ADAMTS4: variants seen among roughly 807,000 people sequenced by gnomAD.
ADAMTS4 encodes the protein A disintegrin and metalloproteinase with thrombospondin motifs 4.
Under a neutral mutation model 66.7 loss-of-function variants are expected in ADAMTS4, and 38 were observed. That is an observed-to-expected ratio of 0.57 (90% CI 0.44 to 0.75). The LOEUF (loss-of-function observed/expected upper bound fraction) is 0.75. Among genes scored for constraint, ADAMTS4 ranks in the 30% least tolerant of loss-of-function variants. ADAMTS4 has a pLI of 0.00. For missense variants in ADAMTS4, 1,014 were observed against 1,116.7 expected, an observed-to-expected ratio of 0.91 and a Z score of 1.31; for synonymous variants, 418 against 461.5, an observed-to-expected ratio of 0.91 and a Z score of 1.21.
intron 1 of ADAMTS4, chr1:161,197,336 A>G: frequency 6.0e-6 from 1 of 166,628 alleles, no homozygotes; most frequent in South Asian, 1.6e-4. Flanking sequence ...GCGGTTGTGG[A>G]GGGAGCGTCT....
chr1:161,196,386 G>A, intron 2 of ADAMTS4, 83 bp from the exon 3 acceptor site: 1 of 1,535,814 alleles, frequency 6.5e-7, no homozygotes, highest in South Asian at 1.3e-5. Context: ...CCGGGGACCT[G>A]GGCACTGAGG....
In ADAMTS4 at chr1:161,194,220, C is replaced by T. The variant is rs774244512; in HGVS notation, c.1263G>A (p.Gly421=). Residue 421 remains glycine (G), a splice_region_variant and synonymous_variant, in exon 5 of 9, where the codon GGG becomes GGA. Coordinates refer to ENST00000367996, the MANE Select transcript of ADAMTS4 (RefSeq NM_005099.6). This position sits in a 1 kb window ranked among gnomAD's most constrained non-coding sequence, Gnocchi z 4.1. ...CCTCTGGTTTGTCTAAGAGACAGTG[C>T]CCTGGGAAGGGGGTTGGGGCACAAA... The part of the protein sequence containing the change: ...FITDFLDNGY[G]HCLLDKPEAP... 4.3e-6 allele frequency: 7 copies of T among 1,611,126 alleles called. No homozygotes were observed. The highest frequency in any genetic ancestry group is 1.1e-5 in the South Asian group (1 of 90,982).
Position 161,198,624 on chromosome 1 carries a change from A to T in ADAMTS4, c.4T>A (p.Ser2Thr), listed in dbSNP as rs1395064376. 4.0e-6 allele frequency: 6 copies of T among 1,517,466 alleles called. No individual in the cohort carries two copies. The South Asian group carries it at 7.8e-5, about 20-fold the overall frequency. 94.0% of individuals were successfully genotyped at this position (1,517,466 alleles called of 1,614,324 possible). A position where few individuals can be genotyped will look rare whatever the true frequency, so the allele number is the denominator to read the frequency against. ...CTCCCGGGATGCGAGCCTGTCTGGG[A>T]CATGGCACTGGTACTGCAGCTGGGA... M[S>T]QTGSHPGRGL... The change falls in exon 1 of 9, where the codon TCC becomes ACC. Residue 2 changes from serine (S) to threonine (T), a missense_variant. Physicochemically the swap from Ser to Thr is moderately conservative, Grantham distance 58. Transcript: ENST00000367996. The surrounding 1 kb of genome is among the most constrained non-coding windows in gnomAD (Gnocchi z 4.7).
chr1:161,191,482 T>G lies in ADAMTS4; in HGVS notation c.2170A>C (p.Ser724Arg). Residue 724 changes from serine (S) to arginine (R), a missense_variant, in exon 9 of 9, where the codon AGC (serine) becomes CGC (arginine). Coordinates refer to ENST00000367996, the MANE Select transcript of ADAMTS4 (RefSeq NM_005099.6). The stretch of plus-strand genomic sequence containing the variant: ...GGCAGCTTCAGGGCCAAGTAGATGC[T>G]CCGGTGGCCAGGGTTTCCCTGCTGC... ...VRQQGNPGHRSIYLALKLPDG... is the reference protein window; with the variant it reads ...VRQQGNPGHRRIYLALKLPDG... 3.1e-6 allele frequency: 5 copies of G among 1,614,118 alleles called. No homozygotes were observed. Among genetic ancestry groups the G allele is most frequent in the Non-Finnish European group, 3.4e-6 (4 of 1,179,970 alleles).
Position 161,190,090 on chromosome 1 carries a change from C to A in ADAMTS4, c.*1048G>T, listed in dbSNP as rs1331234905. ...GGGCGTGGCCAGGCACGGTGGCTCA[C>A]GCCTGTAATCCCAGCACTTTGGGAG... On this transcript the variant is annotated 3_prime_UTR_variant, in exon 9 of 9. Coordinates refer to ENST00000367996, the MANE Select transcript of ADAMTS4 (RefSeq NM_005099.6). The A allele has an allele frequency of 6.6e-6, 1 of 152,162 alleles. No homozygotes were observed. Among genetic ancestry groups the A allele is most frequent in the Non-Finnish European group, 1.5e-5 (1 of 68,060 alleles). 9.4% of individuals were successfully genotyped at this position (152,162 alleles called of 1,614,324 possible).
rs1227545642 is a variant in ADAMTS4, at chr1:161,185,131, A to G, written c.*6007T>C. 6.6e-6 allele frequency: 1 copy of G among 152,058 alleles called. No homozygotes were observed. The highest frequency in any genetic ancestry group is 1.5e-5 in the Non-Finnish European group (1 of 68,000). 9.4% of individuals were successfully genotyped at this position (152,058 alleles called of 1,614,324 possible). On this transcript the variant is annotated 3_prime_UTR_variant, in exon 9 of 9. Transcript: ENST00000367996. ...AATGGGTGCAGCACACCAGCATGGC[A>G]CATGTATACATATGTAACTAACCTG...
At position 161,193,722 on chromosome 1, in the gene ADAMTS4, G is replaced by A. The variant is rs1664738878; in HGVS notation, c.1653C>T (p.Val551=). The change falls in exon 6 of 9, where the codon GTC becomes GTT. Residue 551 remains valine, a synonymous_variant. Transcript: ENST00000367996. The surrounding 1 kb of genome is among the most constrained non-coding windows in gnomAD (Gnocchi z 4.4). The part of the protein sequence containing the change: ...QFSSRDCTRP[V]PRNGGKYCEG... ...CACAGTACTTGCCACCATTCCGGGG[G>A]ACAGGCCTCGTGCAGTCTCGGGAGG... The A allele has an allele frequency of 6.2e-7, 1 of 1,613,972 alleles. No homozygotes were observed. Among genetic ancestry groups the A allele is most frequent in the South Asian group, 1.1e-5 (1 of 91,074 alleles).
At position 161,196,775 on chromosome 1, in the gene ADAMTS4, C is replaced by T; in HGVS notation, c.739G>A (p.Ala247Thr). 6.2e-7 allele frequency: 1 copy of T among 1,613,034 alleles called. No homozygotes were observed. Among genetic ancestry groups the T allele is most frequent in the Non-Finnish European group, 8.5e-7 (1 of 1,180,022 alleles). Residue 247 changes from alanine to threonine, a missense_variant, in exon 2 of 9, where the codon GCA (alanine) becomes ACA (threonine). Physicochemically the swap from Ala to Thr is moderately conservative, Grantham distance 58 (BLOSUM62 0). Coordinates refer to ENST00000367996, the MANE Select transcript of ADAMTS4 (RefSeq NM_005099.6). ...GLKRYLLTVM[A>T]AAAKAFKHPS... The stretch of plus-strand genomic sequence containing the variant: ...TGCTTGAAGGCCTTGGCTGCTGCTG[C>T]CATCACTGTTAGCAGGTAGCGCTTT...
rs1664953155 is a variant in ADAMTS4 at position 161,198,360 on chromosome 1, C to T, written c.268G>A (p.Glu90Lys). Reference protein sequence around the residue: ...RLLCRLQAFGETLLLELEQDS... With the variant: ...RLLCRLQAFGKTLLLELEQDS... ...TGCTCCAGCTCTAGTAGCAGCGTCT[C>T]CCCAAAGGCCTGCAAGCGGCACAAC... is the stretch of plus-strand genomic sequence containing the variant. Residue 90 changes from glutamate (E) to lysine (K), a missense_variant, in exon 1 of 9, where the codon GAG becomes AAG. By Grantham distance (56) the Glu-to-Lys change is moderately conservative. Coordinates refer to ENST00000367996, the MANE Select transcript of ADAMTS4 (RefSeq NM_005099.6). This position sits in a 1 kb window ranked among gnomAD's most constrained non-coding sequence, Gnocchi z 4.7. 2 of 1,613,068 alleles carry T rather than the reference C, an allele frequency of 1.2e-6. No individual in the cohort carries two copies. The highest frequency in any genetic ancestry group is 1.7e-6 in the Non-Finnish European group (2 of 1,179,918).
chr1:161,194,032 G>A lies in ADAMTS4; in HGVS notation c.1451C>T (p.Thr484Ile). ...GHLNGHAMCQ[T>I]KHSPWADGTP... ...GCCATCGGCCCAGGGCGAGTGTTTG[G>A]TCTGGCACATGGCATGGCCATTGAG... is the stretch of plus-strand genomic sequence containing the variant. Residue 484 changes from threonine (T) to isoleucine (I), a missense_variant, in exon 5 of 9, where the codon ACC (threonine) becomes ATC (isoleucine). By Grantham distance (89) the Thr-to-Ile change is moderately conservative (BLOSUM62 -1). Coordinates refer to ENST00000367996, the MANE Select transcript of ADAMTS4 (RefSeq NM_005099.6). This position sits in a 1 kb window ranked among gnomAD's most constrained non-coding sequence, Gnocchi z 4.1. 6.2e-7 allele frequency: 1 copy of A among 1,614,134 alleles called. No homozygotes were observed. Among genetic ancestry groups the A allele is most frequent in the South Asian group, 1.1e-5 (1 of 91,072 alleles).
chr1:161,193,151 C>G lies in ADAMTS4; in HGVS notation c.1911+62G>C. On this transcript the variant is annotated intron_variant, in intron 7 of 8. Transcript: ENST00000367996. The surrounding 1 kb of genome is among the most constrained non-coding windows in gnomAD (Gnocchi z 4.4). ...TTGGGTGATCTTTGTTATCAGAAAG[C>G]AGAGGGAGCACTGCGGGTGTGTGTG... The G allele has an allele frequency of 6.6e-7, 1 of 1,517,424 alleles. No individual in the cohort carries two copies. The highest frequency in any genetic ancestry group is 8.9e-7 in the Non-Finnish European group (1 of 1,125,172). The allele number at this position is 1,517,424 out of a possible 1,614,324, so 94.0% of individuals were successfully genotyped here.
chr1:161,186,585 C>T lies in ADAMTS4; in HGVS notation c.*4553G>A, dbSNP rs1050232877. ...AAGTGATTTAAAAGTGAATCTACAC[C>T]TGTAGTCCAAGCTACTTAGGAGGCT... is the stretch of plus-strand genomic sequence containing the variant. On this transcript the variant is annotated 3_prime_UTR_variant, in exon 9 of 9. Coordinates refer to ENST00000367996, the MANE Select transcript of ADAMTS4 (RefSeq NM_005099.6). The T allele has an allele frequency of 1.4e-4, 21 of 151,072 alleles. No individual in the cohort carries two copies. Among genetic ancestry groups the T allele is most frequent in the African/African-American group, 4.6e-4 (19 of 41,398 alleles). The allele number at this position is 151,072 out of a possible 1,614,324, so 9.4% of individuals were successfully genotyped here. A position where few individuals can be genotyped will look rare whatever the true frequency, so the allele number is the denominator to read the frequency against.
Position 161,188,910 on chromosome 1 carries a change from T to TATATATATATATATATATATA in ADAMTS4, c.*2227_*2228insTATATATATATATATATATAT, listed in dbSNP as rs1558071757. On this transcript the variant is annotated 3_prime_UTR_variant, in exon 9 of 9. Coordinates refer to ENST00000367996, the MANE Select transcript of ADAMTS4 (RefSeq NM_005099.6). Reference sequence around the variant, plus strand: ...TATATATATATATATATATATATATTTTGTATTTTTAGTAGACACGGGGTT... The same window carrying TATATATATATATATATATATA: ...TATATATATATATATATATATATATTATATATATATATATATATATATTGTATTTTTAGTAGACACGGGGTT... The TATATATATATATATATATATA allele has an allele frequency of 1.1e-4, 6 of 54,866 alleles. No homozygotes were observed. In the South Asian group the frequency reaches 3.4e-3, roughly 31 times the overall value. 3.4% of individuals were successfully genotyped at this position (54,866 alleles called of 1,614,324 possible).
rs777856617 is a variant in ADAMTS4 at position 161,191,281 on chromosome 1, G to A, written c.2371C>T (p.Pro791Ser). The stretch of plus-strand genomic sequence containing the variant: ...CTGTATCGGAGGCGTGTGTCCTGGG[G>A]GTTGCCAGCCACTAGGACTTGCAGT... ...LTLQVLVAGN[P>S]QDTRLRYSFF... Residue 791 changes from proline to serine, a missense_variant, in exon 9 of 9, where the codon CCC (proline) becomes TCC (serine). Transcript: ENST00000367996. 1.9e-6 allele frequency: 3 copies of A among 1,613,970 alleles called. No homozygotes were observed. The highest frequency in any genetic ancestry group is 2.5e-6 in the Non-Finnish European group (3 of 1,180,028).
At position 161,188,188 on chromosome 1, in the gene ADAMTS4, C is replaced by CCCAAA. The variant is rs1264384562; in HGVS notation, c.*2945_*2949dup. The CCCAAA allele has an allele frequency of 6.7e-6, 1 of 149,086 alleles. No homozygotes were observed. The highest frequency in any genetic ancestry group is 1.5e-5 in the Non-Finnish European group (1 of 67,524). The allele number at this position is 149,086 out of a possible 1,614,324, so 9.2% of individuals were successfully genotyped here. A position where few individuals can be genotyped will look rare whatever the true frequency, so the allele number is the denominator to read the frequency against. On this transcript the variant is annotated 3_prime_UTR_variant, in exon 9 of 9. Coordinates refer to ENST00000367996, the MANE Select transcript of ADAMTS4 (RefSeq NM_005099.6). ...CCTGGCTGGTTTTGAACCTCAGCCTCCCAAAGTGCTGAGATTACAGGTGTG... is the reference window on the plus strand; with the variant it reads ...CCTGGCTGGTTTTGAACCTCAGCCTCCCAAACCAAAGTGCTGAGATTACAGGTGTG...
Position 161,193,194 on chromosome 1 carries a change from G to T in ADAMTS4, c.1911+19C>A. ...TGTGTGTGACCATAGACAGGGCCTG[G>T]GGGTGTCCTGACCCTCACCCGTGGC... On this transcript the variant is annotated intron_variant, in intron 7 of 8. Coordinates refer to ENST00000367996, the MANE Select transcript of ADAMTS4 (RefSeq NM_005099.6). This position sits in a 1 kb window ranked among gnomAD's most constrained non-coding sequence, Gnocchi z 4.4. 6.2e-7 allele frequency: 1 copy of T among 1,605,890 alleles called. No individual in the cohort carries two copies. The highest frequency in any genetic ancestry group is 1.3e-5 in the African/African-American group (1 of 74,872).
chr1:161,195,160 T>TCAC (rs1226604589), intron 4 of ADAMTS4, among the ~76,000 whole-genome samples: 1 of 152,236 alleles, frequency 6.6e-6, no homozygotes, highest in African/African-American at 2.4e-5. Flanking sequence ...CTTGCATACC[T>TCAC]CACTGCGTGA....
chr1:161,187,987 T>A lies in ADAMTS4; in HGVS notation c.*3151A>T, dbSNP rs917127491. ...TTTTTTGAGATGGAGTCTCACTCTA[T>A]CGCCCAGACTGGAGTGCAATGGCGC... On this transcript the variant is annotated 3_prime_UTR_variant, in exon 9 of 9. Coordinates refer to ENST00000367996, the MANE Select transcript of ADAMTS4 (RefSeq NM_005099.6). The A allele has an allele frequency of 2.8e-5, 4 of 140,904 alleles. No individual in the cohort carries two copies. The highest frequency in any genetic ancestry group is 1.1e-4 in the African/African-American group (4 of 37,310). 8.7% of individuals were successfully genotyped at this position (140,904 alleles called of 1,614,324 possible).
chr1:161,198,610 C>T lies in ADAMTS4; in HGVS notation c.18G>A (p.Ser6=), dbSNP rs773620570. MSQTG[S]HPGRGLAGRW... is the part of the protein sequence containing the mutation. ...GCCCTGCCAAGCCCCTCCCGGGATG[C>T]GAGCCTGTCTGGGACATGGCACTGG... The change falls in exon 1 of 9, where the codon TCG becomes TCA. Residue 6 remains serine, a synonymous_variant. Transcript: ENST00000367996. The surrounding 1 kb of genome is among the most constrained non-coding windows in gnomAD (Gnocchi z 4.7). The T allele has an allele frequency of 3.1e-5, 47 of 1,530,508 alleles. No individual in the cohort carries two copies. Among genetic ancestry groups the T allele is most frequent in the Non-Finnish European group, 4.0e-5 (45 of 1,136,192 alleles). 94.8% of individuals were successfully genotyped at this position (1,530,508 alleles called of 1,614,324 possible). A position where few individuals can be genotyped will look rare whatever the true frequency, so the allele number is the denominator to read the frequency against.
Sources: gnomAD v4.1 joint callset for allele counts (sites outside exome capture counted in the v4.1 genomes callset) on GRCh38, gnomAD v4.1.1 for gene constraint, Gnocchi (gnomAD v3.1) non-coding constraint, MANE v1.5 for transcripts, NCBI Gene and HGNC (gene_info 2026-07-23, HGNC 2026-07-21) for gene names.